Variants in NPR1 observed in about 807,000 individuals in gnomAD.
NPR1 encodes the protein atrial natriuretic peptide receptor 1.
Under a neutral mutation model 116.9 loss-of-function variants are expected in NPR1, and 57 were observed. The ratio of observed to expected loss-of-function variants is 0.49; its 90% CI spans 0.39 to 0.61. The LOEUF (loss-of-function observed/expected upper bound fraction) is 0.61, where lower values mean the gene tolerates loss of function less well. NPR1 is among the 20% of genes least tolerant of loss of function. The probability of loss-of-function intolerance (pLI) is 0.00; values close to 1 mark genes in which losing one functional copy is unlikely to be tolerated. For missense variants in NPR1, 1,096 were observed against 1,409.8 expected (o/e 0.78, Z 3.56); for synonymous variants, 555 against 601.6 (o/e 0.92, Z 1.13).
chr1:153,682,116 G>A (rs528335043), intron 4 of NPR1, among the ~76,000 whole-genome samples: 1 of 151,798 alleles, frequency 6.6e-6, no homozygotes, highest in East Asian at 1.9e-4. Context: ...GTGTGGTGGT[G>A]CAATCTCGGC....
At position 153,680,638 on chromosome 1, in the gene NPR1, G is replaced by T. The variant is rs1229153411; in HGVS notation, c.859G>T (p.Ala287Ser). ...GQSLQGGQGP[A>S]PRRPWERGDG... ...AAGCCTGCAAGGTGGACAGGGCCCT[G>T]CTCCCCGCAGGCCCTGGGAGAGAGG... Residue 287 changes from alanine (A) to serine (S), a missense_variant, in exon 2 of 22, where the codon GCT becomes TCT. Ala to Ser is a moderately conservative substitution (Grantham distance 99). Coordinates refer to ENST00000368680, the MANE Select transcript of NPR1 (RefSeq NM_000906.4). The T allele has an allele frequency of 6.2e-7, 1 of 1,614,138 alleles. No individual in the cohort carries two copies. The highest frequency in any genetic ancestry group is 1.3e-5 in the African/African-American group (1 of 75,052).
chr1:153,689,590 G>C lies in NPR1; in HGVS notation c.2757+69G>C. On this transcript the variant is annotated intron_variant, in intron 18 of 21. Coordinates refer to ENST00000368680, the MANE Select transcript of NPR1 (RefSeq NM_000906.4). The surrounding 1 kb of genome is among the most constrained non-coding windows in gnomAD (Gnocchi z 5.1). ...CAAGGTCAGAAAAAGATGAGGGGTA[G>C]GCAGAATGATGTGGAGTCTTAAGAG... The C allele has an allele frequency of 6.8e-7, 1 of 1,467,948 alleles. No individual in the cohort carries two copies. The highest frequency in any genetic ancestry group is 9.5e-7 in the Non-Finnish European group (1 of 1,049,462). 90.9% of individuals were successfully genotyped at this position (1,467,948 alleles called of 1,614,324 possible).
Position 153,681,796 on chromosome 1 carries a change from T to C in NPR1, c.1128T>C (p.Asp376=). ...ETLAHGGTVT[D]GENITQRMWN... ...TGGCACATGGGGGAACTGTTACTGATGGGGAGAACATCACTCAGCGGATGT... is the reference window on the plus strand; with the variant it reads ...TGGCACATGGGGGAACTGTTACTGACGGGGAGAACATCACTCAGCGGATGT... The change falls in exon 4 of 22, where the codon GAT becomes GAC. Residue 376 remains aspartate, a synonymous_variant. Transcript: ENST00000368680. 3 of 1,613,988 alleles carry C rather than the reference T, an allele frequency of 1.9e-6. No individual in the cohort carries two copies. Among genetic ancestry groups the C allele is most frequent in the Non-Finnish European group, 2.5e-6 (3 of 1,179,994 alleles).
In NPR1 at chr1:153,689,150, C is replaced by A; in HGVS notation, c.2565-38C>A. ...CCCCAACACAAAGCCCCTGTCCCGA[C>A]CCCCAACTCTGATCCTGCACCTGCC... On this transcript the variant is annotated intron_variant, in intron 16 of 21. Transcript: ENST00000368680. This position sits in a 1 kb window ranked among gnomAD's most constrained non-coding sequence, Gnocchi z 5.1. 1 of 1,614,130 alleles carries A rather than the reference C, an allele frequency of 6.2e-7. No homozygotes were observed. Among genetic ancestry groups the A allele is most frequent in the Non-Finnish European group, 8.5e-7 (1 of 1,179,992 alleles).
chr1:153,679,861 T>C lies in NPR1; in HGVS notation c.721+32T>C, dbSNP rs781446987. 71 of 1,532,122 alleles carry C rather than the reference T, an allele frequency of 4.6e-5. No individual in the cohort carries two copies. The highest frequency in any genetic ancestry group is 5.8e-5 in the Non-Finnish European group (66 of 1,145,284). The allele number at this position is 1,532,122 out of a possible 1,614,324, so 94.9% of individuals were successfully genotyped here. A position where few individuals can be genotyped will look rare whatever the true frequency, so the allele number is the denominator to read the frequency against. Reference sequence around the variant, plus strand: ...CGCTGGCACACCCCGTCCCGCCGCTTAGCCGCAGGGCCTCCCCTCTGACCT... The same window carrying C: ...CGCTGGCACACCCCGTCCCGCCGCTCAGCCGCAGGGCCTCCCCTCTGACCT... On this transcript the variant is annotated intron_variant, in intron 1 of 21. Coordinates refer to ENST00000368680, the MANE Select transcript of NPR1 (RefSeq NM_000906.4). The surrounding 1 kb of genome is among the most constrained non-coding windows in gnomAD (Gnocchi z 4.2).
At chr1:153,680,463 A>G in intron 1 of NPR1, 38 bp from the exon 2 acceptor site, 1 of 1,600,784 alleles carries the variant, frequency 6.2e-7, no homozygotes, top group Non-Finnish European at 8.6e-7. Flanking sequence ...CTCCCGCAGT[A>G]CCTAGGCTTC....
chr1:153,685,763 G>T (rs1342965308), intron 8 of NPR1, 43 bp from the exon 9 acceptor site: 1 of 1,488,764 alleles, frequency 6.7e-7, no homozygotes, highest in African/African-American at 1.4e-5. Context: ...GATGCAGACT[G>T]GGCCCACCGG....
intron 9 of NPR1, 52 bp from the exon 10 acceptor site, chr1:153,686,071 C>T (rs1669919298): frequency 6.3e-7 from 1 of 1,585,634 alleles, no homozygotes; most frequent in Non-Finnish European, 8.6e-7. Context: ...GCTGGAATTC[C>T]CAGGACATGG....
In NPR1 at chr1:153,682,294, A is replaced by T. The variant is rs952155145; in HGVS notation, c.1172-204A>T. On this transcript the variant is annotated intron_variant, in intron 4 of 21. Transcript: ENST00000368680. The stretch of plus-strand genomic sequence containing the variant: ...AGGCTGGTCTTGAACTCCTGACGTC[A>T]GGTGATCTGCCCGCCTCAGCCTCCC... Among the ~76,000 whole-genome samples, 3 of 152,078 alleles carry T rather than the reference A, an allele frequency of 2.0e-5. No individual in the cohort carries two copies. The East Asian group carries it at 5.8e-4, about 29-fold the overall frequency.
In NPR1 at chr1:153,689,836, G is replaced by C; in HGVS notation, c.2788G>C (p.Val930Leu). 1 of 1,584,778 alleles carries C rather than the reference G, an allele frequency of 6.3e-7. No individual in the cohort carries two copies. The highest frequency in any genetic ancestry group is 8.6e-7 in the Non-Finnish European group (1 of 1,161,350). ...GACAATTGGCGATGCCTACATGGTG[G>C]TGTCAGGGCTCCCTGTGCGGAACGG... ...VETIGDAYMV[V>L]SGLPVRNGRL... Residue 930 changes from valine to leucine, a missense_variant, in exon 19 of 22, where the codon GTG becomes CTG. Coordinates refer to ENST00000368680, the MANE Select transcript of NPR1 (RefSeq NM_000906.4). This position sits in a 1 kb window ranked among gnomAD's most constrained non-coding sequence, Gnocchi z 5.1.
At position 153,679,393 on chromosome 1, in the gene NPR1, CG is replaced by C; in HGVS notation, c.286del (p.Ala96GlnfsTer42). ...ACGCGCTGGGCGTCTGCTCCGACAC[CG>C]CAGCGCCCCTGGCCGCGGTGGACCT... ...ENALGVCSDTAAPLAAVDLKW... is the reference protein window; with the variant it reads ...ENALGVCSDTXAPLAAVDLKW... On this transcript the variant is annotated frameshift_variant, in exon 1 of 22. Coordinates refer to ENST00000368680, the MANE Select transcript of NPR1 (RefSeq NM_000906.4). LOFTEE classifies it high-confidence loss of function. This position sits in a 1 kb window ranked among gnomAD's most constrained non-coding sequence, Gnocchi z 4.2. The C allele has an allele frequency of 6.5e-7, 1 of 1,540,462 alleles. No individual in the cohort carries two copies. Among genetic ancestry groups the C allele is most frequent in the Non-Finnish European group, 8.7e-7 (1 of 1,148,226 alleles).
Position 153,687,070 on chromosome 1 carries a change from A to T in NPR1, c.1918A>T (p.Thr640Ser), listed in dbSNP as rs1669951788. The T allele has an allele frequency of 6.2e-7, 1 of 1,613,934 alleles. No homozygotes were observed. Among genetic ancestry groups the T allele is most frequent in the South Asian group, 1.1e-5 (1 of 91,086 alleles). ...TLDWMFRYSL[T>S]NDIVKGMLFL... is the part of the protein sequence containing the mutation. ...GGACTGGATGTTCCGGTACTCACTC[A>T]CCAATGACATCGTCAAGGTATGCCC... Residue 640 changes from threonine to serine, a missense_variant, in exon 12 of 22, where the codon ACC becomes TCC. Physicochemically the swap from Thr to Ser is moderately conservative, Grantham distance 58. Coordinates refer to ENST00000368680, the MANE Select transcript of NPR1 (RefSeq NM_000906.4).
In NPR1 at chr1:153,680,446, C is replaced by T; in HGVS notation, c.722-55C>T. On this transcript the variant is annotated intron_variant, in intron 1 of 21. Coordinates refer to ENST00000368680, the MANE Select transcript of NPR1 (RefSeq NM_000906.4). The stretch of plus-strand genomic sequence containing the variant: ...CCTTGGGTGCCCCAGCTTTCCTACT[C>T]CTGTCTCTCCCGCAGTACCTAGGCT... 3 of 1,563,092 alleles carry T rather than the reference C, an allele frequency of 1.9e-6. No individual in the cohort carries two copies. The South Asian group carries it at 3.3e-5, about 17-fold the overall frequency.
At chr1:153,692,263 G>T (rs1670127387) in intron 20 of NPR1, among the ~76,000 whole-genome samples, 1 of 152,192 alleles carries the variant, frequency 6.6e-6, no homozygotes, top group Admixed American at 6.5e-5. Flanking sequence ...GAAGCAGAGA[G>T]AATTTATTTT....
rs140972056 is a variant in NPR1 at position 153,681,815 on chromosome 1, C to A, written c.1147C>A (p.Arg383=). 76 of 1,613,878 alleles carry A rather than the reference C, an allele frequency of 4.7e-5. No individual in the cohort carries two copies. In the African/African-American group the frequency reaches 9.3e-4, roughly 20 times the overall value. The change falls in exon 4 of 22, where the codon CGG becomes AGG. Residue 383 remains arginine (R), a synonymous_variant. Transcript: ENST00000368680. ...TVTDGENITQ[R]MWNRSFQGVT... ...TACTGATGGGGAGAACATCACTCAG[C>A]GGATGTGGAACCGAAGCTTTCAAGG...
Position 153,690,392 on chromosome 1 carries a change from C to G in NPR1, c.3031+10C>G, listed in dbSNP as rs1352401587. ...GAGTCTAATGGGGAAGGTACAGTGC[C>G]CCCTCCTAGAGGGAATGGGGAGGGC... On this transcript the variant is annotated intron_variant, in intron 20 of 21. Transcript: ENST00000368680. 1.0e-5 allele frequency: 16 copies of G among 1,548,648 alleles called. No individual in the cohort carries two copies. Among genetic ancestry groups the G allele is most frequent in the African/African-American group, 2.7e-5 (2 of 72,988 alleles).
In NPR1 at chr1:153,687,254, T is replaced by C; in HGVS notation, c.1990T>C (p.Ser664Pro). Residue 664 changes from serine to proline, a missense_variant, in exon 13 of 22, where the codon TCC becomes CCC. By Grantham distance (74) the Ser-to-Pro change is moderately conservative. Coordinates refer to ENST00000368680, the MANE Select transcript of NPR1 (RefSeq NM_000906.4). ...AICSHGNLKSSNCVVDGRFVL... is the reference protein window; with the variant it reads ...AICSHGNLKSPNCVVDGRFVL... ...CTGTTCCCATGGGAACCTCAAGTCATCCAACTGCGTGGTAGATGGGCGCTT... is the reference window on the plus strand; with the variant it reads ...CTGTTCCCATGGGAACCTCAAGTCACCCAACTGCGTGGTAGATGGGCGCTT... The C allele has an allele frequency of 6.2e-7, 1 of 1,614,102 alleles. No homozygotes were observed.
intron 11 of NPR1, 99 bp downstream of exon 11, chr1:153,686,849 CT>C: frequency 7.7e-7 from 1 of 1,296,948 alleles, no homozygotes; most frequent in Non-Finnish European, 1.1e-6. Flanking sequence ...TCTTTCTGAC[CT>C]TTCTGGCCCC....
chr1:153,681,832 C>T lies in NPR1; in HGVS notation c.1164C>T (p.Ser388=). ...ENITQRMWNR[S]FQGVTGYLKI... ...TCACTCAGCGGATGTGGAACCGAAG[C>T]TTTCAAGGTCAGGGCCTGGAGGTGG... Residue 388 remains serine (S), a synonymous_variant, in exon 4 of 22, where the codon AGC becomes AGT. Transcript: ENST00000368680. 2 of 1,613,808 alleles carry T rather than the reference C, an allele frequency of 1.2e-6. No homozygotes were observed. Among genetic ancestry groups the T allele is most frequent in the Non-Finnish European group, 1.7e-6 (2 of 1,179,930 alleles).
Sources: gnomAD v4.1 joint callset for allele counts (sites outside exome capture counted in the v4.1 genomes callset) on GRCh38, gnomAD v4.1.1 for gene constraint, Gnocchi (gnomAD v3.1) non-coding constraint, MANE v1.5 for transcripts, NCBI Gene and HGNC (gene_info 2026-07-23, HGNC 2026-07-21) for gene names.